The following MAF variants were observed in gnomAD, a reference collection of about 807,000 sequenced individuals.
The protein encoded by MAF is MAF bZIP transcription factor, also known as transcription factor Maf.
A neutral mutation model predicts 22.0 loss-of-function variants in MAF; 10 were observed. That is an observed-to-expected ratio of 0.45 (90% CI 0.28 to 0.77). The LOEUF (loss-of-function observed/expected upper bound fraction) is 0.77, where lower values mean the gene tolerates loss of function less well. MAF is among the 30% of genes least tolerant of loss of function. The probability of loss-of-function intolerance (pLI) is 0.12; values close to 1 mark genes in which losing one functional copy is unlikely to be tolerated. For synonymous variants in MAF, 337 were observed against 255.8 expected, an observed-to-expected ratio of 1.32 and a Z score of -3.03; for missense variants, 544 against 548.4, an observed-to-expected ratio of 0.99 and a Z score of 0.08.
the MAF span, among the ~76,000 whole-genome samples, chr16:79,223,903 G>A: frequency 6.6e-6 from 1 of 152,090 alleles, no homozygotes. Flanking sequence ...AGGACCAGAG[G>A]GATTCAAAGC....
the MAF span, among the ~76,000 whole-genome samples, chr16:79,470,064 G>T: frequency 1.3e-5 from 2 of 152,158 alleles, no homozygotes; most frequent in Non-Finnish European, 2.9e-5. Flanking sequence ...CATCCTCCAG[G>T]CTCTCAGGCC....
At chr16:79,282,537 T>G in the MAF span, among the ~76,000 whole-genome samples, 2 of 151,932 alleles carry the variant, frequency 1.3e-5, no homozygotes, top group African/African-American at 2.4e-5. Flanking sequence ...CAACTTGGAG[T>G]CCCAGGAATA....
chr16:79,456,704 C>T, the MAF span, among the ~76,000 whole-genome samples: 6,263 of 152,206 alleles, frequency 0.041, 415 homozygotes, highest in East Asian at 0.27. Flanking sequence ...CCTGAGTGTG[C>T]CTACCCAGTT....
At chr16:79,580,774 C>T in the MAF span, among the ~76,000 whole-genome samples, 1 of 151,466 alleles carries the variant, frequency 6.6e-6, no homozygotes, top group South Asian at 2.1e-4. Context: ...CATTTTCATT[C>T]TACTAGGTAA....
At chr16:79,279,093 G>A in the MAF span, among the ~76,000 whole-genome samples, 3 of 152,108 alleles carry the variant, frequency 2.0e-5, no homozygotes, top group South Asian at 2.1e-4. Context: ...CTGCTCCGGA[G>A]GTAGCCCTGT....
the MAF span, among the ~76,000 whole-genome samples, chr16:79,290,875 C>G: frequency 6.6e-6 from 1 of 152,086 alleles, no homozygotes; most frequent in Non-Finnish European, 1.5e-5. Flanking sequence ...AATGCAGATT[C>G]CCAATCTCTA....
chr16:79,309,348 T>C, the MAF span, among the ~76,000 whole-genome samples: 1 of 152,216 alleles, frequency 6.6e-6, no homozygotes, highest in Non-Finnish European at 1.5e-5. Context: ...GTTACCATTT[T>C]GTCGGGTTTG....
downstream of MAF, among the ~76,000 whole-genome samples, chr16:79,582,200 A>C (rs148739710): frequency 6.6e-6 from 1 of 152,294 alleles, no homozygotes; most frequent in Non-Finnish European, 1.5e-5. Context: ...ACAACTTTAC[A>C]GTAATTTTTG....
At chr16:79,348,388 C>G in the MAF span, among the ~76,000 whole-genome samples, 2 of 152,228 alleles carry the variant, frequency 1.3e-5, no homozygotes, top group Non-Finnish European at 2.9e-5. Context: ...TTTACAGCCT[C>G]TTCTGTCTCT....
the MAF span, among the ~76,000 whole-genome samples, chr16:79,515,391 T>C: frequency 2.6e-5 from 4 of 152,246 alleles, no homozygotes; most frequent in African/African-American, 7.2e-5. Flanking sequence ...TGAATACCCA[T>C]ACAAACATTC....
the MAF span, among the ~76,000 whole-genome samples, chr16:79,465,127 G>A: frequency 7.9e-5 from 12 of 151,310 alleles, no homozygotes; most frequent in African/African-American, 1.2e-4. Flanking sequence ...GTTGTCCCTG[G>A]GTATCTATGG....
the MAF span, among the ~76,000 whole-genome samples, chr16:79,273,901 A>AGCT: frequency 6.7e-6 from 1 of 149,608 alleles, no homozygotes; most frequent in Non-Finnish European, 1.5e-5. Context: ...TGTCTGCCAT[A>AGCT]GCTGGAGGTC....
At chr16:79,460,516 T>A in the MAF span, among the ~76,000 whole-genome samples, 1 of 152,222 alleles carries the variant, frequency 6.6e-6, no homozygotes, top group African/African-American at 2.4e-5. Flanking sequence ...TTAAGGAATA[T>A]GTTTTTATAT....
At chr16:79,533,513 G>A in the MAF span, among the ~76,000 whole-genome samples, 1 of 152,124 alleles carries the variant, frequency 6.6e-6, no homozygotes, top group Non-Finnish European at 1.5e-5. Context: ...TCGTCCTCTG[G>A]TTGAGTGAGA....
the MAF span, among the ~76,000 whole-genome samples, chr16:79,379,922 C>A: frequency 1.3e-5 from 2 of 152,162 alleles, no homozygotes; most frequent in East Asian, 1.9e-4. Flanking sequence ...TCCCCTCAGA[C>A]ACAGTTTCAG....
chr16:79,585,957 T>C (rs186977486), intron 1 of MAF: 27 of 674,408 alleles, frequency 4.0e-5, no homozygotes, highest in Non-Finnish European at 7.1e-5. Context: ...TTAGTAAATA[T>C]ATTAAAATAA....
chr16:79,209,044 T>C, the MAF span, among the ~76,000 whole-genome samples: 7 of 152,114 alleles, frequency 4.6e-5, no homozygotes, highest in African/African-American at 1.4e-4. Context: ...TCCTGTGTAC[T>C]GTGTTCTACA....
the MAF span, among the ~76,000 whole-genome samples, chr16:79,454,110 TC>T: frequency 1.3e-5 from 2 of 152,224 alleles, no homozygotes; most frequent in Admixed American, 1.3e-4. Flanking sequence ...AGATTTCATT[TC>T]TATGATTCGT....
the MAF span, among the ~76,000 whole-genome samples, chr16:79,256,587 A>G: frequency 0.22 from 33,936 of 151,930 alleles, 4,588 homozygotes; most frequent in African/African-American, 0.38. Flanking sequence ...GATGACTGAT[A>G]AGACGTCCCC....
Sources: allele counts gnomAD v4.1 joint callset (sites outside exome capture counted in the v4.1 genomes callset), GRCh38; gene constraint gnomAD v4.1.1; transcripts MANE v1.5; gene names NCBI Gene and HGNC (gene_info 2026-07-23, HGNC 2026-07-21).